Variants in GRIK1 observed in about 807,000 individuals in gnomAD.
The protein encoded by GRIK1 is glutamate ionotropic receptor kainate type subunit 1.
GRIK1 carries 69 observed loss-of-function variants against 105.7 expected under a neutral mutation model. That is an observed-to-expected ratio of 0.65 (90% CI 0.54 to 0.80). GRIK1 has a LOEUF of 0.80. Among genes scored for constraint, GRIK1 ranks in the 30% least tolerant of loss-of-function variants. The pLI is 0.00. For missense variants in GRIK1, 1,109 were observed against 1,167.3 expected (o/e 0.95, Z 0.73); for synonymous variants, 438 against 431.3 (o/e 1.02, Z -0.19).
intron 1 of GRIK1, among the ~76,000 whole-genome samples, chr21:29,782,055 A>C (rs917173652): frequency 6.7e-6 from 1 of 148,642 alleles, no homozygotes; most frequent in Non-Finnish European, 1.5e-5. Flanking sequence ...GGTACTGCCA[A>C]CTCACTGTCC....
intron 1 of GRIK1, among the ~76,000 whole-genome samples, chr21:29,778,744 G>T (rs2066011610): frequency 6.6e-6 from 1 of 152,096 alleles, no homozygotes; most frequent in Non-Finnish European, 1.5e-5. Flanking sequence ...AGTTACTGGT[G>T]GGTGAATAAG....
intron 1 of GRIK1, among the ~76,000 whole-genome samples, chr21:29,868,882 C>T (rs13052027): frequency 0.018 from 2,706 of 152,290 alleles, 29 homozygotes; most frequent in South Asian, 0.032. Flanking sequence ...CAATATTCTA[C>T]TCAAAATGAG....
chr21:29,808,611 G>A (rs2066925584), intron 1 of GRIK1, among the ~76,000 whole-genome samples: 1 of 152,120 alleles, frequency 6.6e-6, no homozygotes. Context: ...ATTTCTTTTT[G>A]AAGTTCTAGC....
intron 1 of GRIK1, among the ~76,000 whole-genome samples, chr21:29,921,454 C>G (rs2071191529): frequency 6.6e-6 from 1 of 152,122 alleles, no homozygotes; most frequent in Non-Finnish European, 1.5e-5. Context: ...GTATCTTAAT[C>G]TGTAATCATT....
At chr21:29,777,063 G>A (rs1470008271) in intron 1 of GRIK1, among the ~76,000 whole-genome samples, 2 of 152,108 alleles carry the variant, frequency 1.3e-5, no homozygotes, top group Non-Finnish European at 2.9e-5. Context: ...GAGTCATATT[G>A]GGAAACTTAA....
chr21:29,858,727 G>T (rs544283735), intron 1 of GRIK1, among the ~76,000 whole-genome samples: 11 of 152,186 alleles, frequency 7.2e-5, no homozygotes, highest in African/African-American at 2.6e-4. Flanking sequence ...GCTCTGCTCA[G>T]TGACAGAGTC....
intron 1 of GRIK1, among the ~76,000 whole-genome samples, chr21:29,787,622 A>C (rs988530728): frequency 6.6e-6 from 1 of 152,224 alleles, no homozygotes; most frequent in African/African-American, 2.4e-5. Flanking sequence ...ATTTATCCTA[A>C]TATAATTAAT....
chr21:29,830,330 C>A (rs373275275), intron 1 of GRIK1, among the ~76,000 whole-genome samples: 9,333 of 131,898 alleles, frequency 0.071, 403 homozygotes, highest in African/African-American at 0.1. Flanking sequence ...CACACACACA[C>A]ACACACACAC....
intron 1 of GRIK1, among the ~76,000 whole-genome samples, chr21:29,888,798 C>G (rs2069778441): frequency 6.6e-6 from 1 of 152,204 alleles, no homozygotes; most frequent in South Asian, 2.1e-4. Context: ...AAGAAATCCA[C>G]CATCTGGTCT....
intron 7 of GRIK1, among the ~76,000 whole-genome samples, chr21:29,625,878 T>C (rs1234689146): frequency 6.6e-6 from 1 of 152,170 alleles, no homozygotes; most frequent in Non-Finnish European, 1.5e-5. Flanking sequence ...TAAATGGTTG[T>C]ACCCCTGAAG....
chr21:29,679,021 A>G (rs1240137041), intron 3 of GRIK1, among the ~76,000 whole-genome samples: 1 of 152,226 alleles, frequency 6.6e-6, no homozygotes, highest in East Asian at 1.9e-4. Context: ...CATTACTTAA[A>G]TACAGCTATA....
Position 29,741,170 on chromosome 21 carries a change from A to G in GRIK1, c.119-47107T>C, listed in dbSNP as rs144835011. 9.7e-4 allele frequency among the ~76,000 whole-genome samples: 148 copies of G among 152,294 alleles called. 1 individual carries two copies. Among genetic ancestry groups the G allele is most frequent in the African/African-American group, 3.3e-3 (136 of 41,560 alleles). ...CTGGTGCTTTTCTTGTCCTTAAGAC[A>G]ATTTGCAACCTTTTAAAACTTTGCT... On this transcript the variant is annotated intron_variant, in intron 1 of 17. Coordinates refer to ENST00000327783, the MANE Select transcript of GRIK1 (RefSeq NM_001330994.2).
At chr21:29,585,377 G>A (rs1035535983) in intron 12 of GRIK1, among the ~76,000 whole-genome samples, 6 of 152,122 alleles carry the variant, frequency 3.9e-5, no homozygotes, top group African/African-American at 9.7e-5. Flanking sequence ...AGATTTAAGC[G>A]CACAGTTGGA....
chr21:29,812,557 G>A (rs190665766), intron 1 of GRIK1, among the ~76,000 whole-genome samples: 193 of 152,228 alleles, frequency 1.3e-3, no homozygotes, highest in South Asian at 5.6e-3. Flanking sequence ...ACCCCATGTT[G>A]AGAATGCAAG....
At chr21:29,728,922 A>T (rs1212623720) in intron 1 of GRIK1, among the ~76,000 whole-genome samples, 1 of 152,238 alleles carries the variant, frequency 6.6e-6, no homozygotes, top group Non-Finnish European at 1.5e-5. Flanking sequence ...GAAGAAGAAT[A>T]GGAAAACTTG....
chr21:29,740,161 C>G (rs1220534583), intron 1 of GRIK1, among the ~76,000 whole-genome samples: 1 of 151,976 alleles, frequency 6.6e-6, no homozygotes, highest in East Asian at 1.9e-4. Context: ...AGCATCAATC[C>G]CCCACATGGT....
At chr21:29,606,589 C>G (rs1329706060) in intron 7 of GRIK1, among the ~76,000 whole-genome samples, 2 of 152,028 alleles carry the variant, frequency 1.3e-5, no homozygotes, top group Non-Finnish European at 2.9e-5. Flanking sequence ...GGAAATGGTC[C>G]TACGATGGTG....
chr21:29,688,181 C>T (rs1240394726), intron 3 of GRIK1, among the ~76,000 whole-genome samples: 2 of 152,142 alleles, frequency 1.3e-5, no homozygotes, highest in Non-Finnish European at 2.9e-5. Flanking sequence ...GGGACTGTTT[C>T]GAATACAATA....
chr21:29,766,374 C>T (rs572136694), intron 1 of GRIK1, among the ~76,000 whole-genome samples: 3 of 152,202 alleles, frequency 2.0e-5, no homozygotes, highest in African/African-American at 7.2e-5. Flanking sequence ...TGGGTAGAGG[C>T]CAGGGTGTTG....
Sources: gnomAD v4.1 joint callset for allele counts (sites outside exome capture counted in the v4.1 genomes callset) on GRCh38, gnomAD v4.1.1 for gene constraint, MANE v1.5 for transcripts, NCBI Gene and HGNC (gene_info 2026-07-23, HGNC 2026-07-21) for gene names.